Variants in ABCC4 observed in about 807,000 individuals in gnomAD.
The protein encoded by ABCC4 is ATP-binding cassette sub-family C member 4.
Under a neutral mutation model 168.5 loss-of-function variants are expected in ABCC4, and 102 were observed. That is an observed-to-expected ratio of 0.61 (90% CI 0.52 to 0.71). The LOEUF is 0.71. ABCC4 is among the 30% of genes least tolerant of loss of function. The probability of loss-of-function intolerance (pLI) is 0.00; values close to 1 mark genes in which losing one functional copy is unlikely to be tolerated. For missense variants in ABCC4, 1,402 were observed against 1,605.8 expected, an observed-to-expected ratio of 0.87 and a Z score of 2.17; for synonymous variants, 617 against 590.7, an observed-to-expected ratio of 1.04 and a Z score of -0.65.
chr13:95,121,433 T>G (rs931279476), intron 19 of ABCC4, among the ~76,000 whole-genome samples: 3 of 148,834 alleles, frequency 2.0e-5, no homozygotes, highest in Non-Finnish European at 4.5e-5. Context: ...TTTTTTTTGT[T>G]TTTTTTTTTT....
intron 20 of ABCC4, among the ~76,000 whole-genome samples, chr13:95,106,429 T>G (rs1287561171): frequency 4.0e-5 from 6 of 151,256 alleles, no homozygotes; most frequent in Non-Finnish European, 8.8e-5. Context: ...TCTCAATCGA[T>G]TAGAGGTTTA....
chr13:95,187,018 G>A lies in ABCC4; in HGVS notation c.1354-126C>T, dbSNP rs58854964. The A allele has an allele frequency of 5.2e-5, 39 of 755,330 alleles. No homozygotes were observed. In the East Asian group the frequency reaches 6.2e-4, roughly 12 times the overall value. The allele number at this position is 755,330 out of a possible 1,614,324, so 46.8% of individuals were successfully genotyped here. ...CATTCATTCATTTAAAAGAGCACAGGAAGTTGTGATTAAAAATTGGAAATA... is the reference window on the plus strand; with the variant it reads ...CATTCATTCATTTAAAAGAGCACAGAAAGTTGTGATTAAAAATTGGAAATA... On this transcript the variant is annotated intron_variant, in intron 10 of 30. Coordinates refer to ENST00000645237, the MANE Select transcript of ABCC4 (RefSeq NM_005845.5).
intron 19 of ABCC4, among the ~76,000 whole-genome samples, chr13:95,157,639 A>G (rs936584149): frequency 1.3e-5 from 2 of 152,238 alleles, no homozygotes; most frequent in African/African-American, 4.8e-5. Flanking sequence ...CTTAAGATTT[A>G]TCAGGTTAAC....
chr13:95,235,545 G>A (rs911576578), intron 3 of ABCC4, among the ~76,000 whole-genome samples: 3 of 152,172 alleles, frequency 2.0e-5, no homozygotes, highest in Admixed American at 1.3e-4. Context: ...CCACAGGCTC[G>A]TCTATGGGAG....
chr13:95,067,405 G>A (rs538523749), intron 25 of ABCC4, among the ~76,000 whole-genome samples: 5 of 152,192 alleles, frequency 3.3e-5, no homozygotes, highest in African/African-American at 9.6e-5. Context: ...AGAGGGGCTG[G>A]GGCAATCCAC....
intron 15 of ABCC4, among the ~76,000 whole-genome samples, 154 bp from the exon 16 acceptor site, chr13:95,164,672 C>A (rs557386998): frequency 2.6e-5 from 4 of 152,090 alleles, no homozygotes; most frequent in Non-Finnish European, 5.9e-5. Context: ...GCTAGCCAAA[C>A]TATACATCCA....
chr13:95,218,910 AGAGAG>A (rs2039205038), intron 4 of ABCC4, among the ~76,000 whole-genome samples: 2 of 33,868 alleles, frequency 5.9e-5, no homozygotes, highest in Non-Finnish European at 1.4e-4. Flanking sequence ...AGAGAAAGAG[AGAGAG>A]AGAGAAAGAA....
chr13:95,287,648 G>A (rs142444316), intron 1 of ABCC4, among the ~76,000 whole-genome samples: 2 of 152,152 alleles, frequency 1.3e-5, no homozygotes, highest in African/African-American at 2.4e-5. Context: ...ATACTTGGGA[G>A]GATCAGGAAG....
intron 1 of ABCC4, among the ~76,000 whole-genome samples, chr13:95,288,149 A>G (rs1013022354): frequency 6.6e-6 from 1 of 152,176 alleles, no homozygotes; most frequent in Admixed American, 6.6e-5. Flanking sequence ...AGAATAGGAT[A>G]CTGAAGCCCA....
chr13:95,100,144 CAAG>C (rs1474663578), intron 20 of ABCC4, among the ~76,000 whole-genome samples: 1 of 152,116 alleles, frequency 6.6e-6, no homozygotes, highest in African/African-American at 2.4e-5. Context: ...TGCAAAATGA[CAAG>C]AAGAGAAAGC....
At chr13:95,196,591 A>C (rs930424832) in intron 8 of ABCC4, among the ~76,000 whole-genome samples, 86 of 2,062 alleles carry the variant, frequency 0.042, no homozygotes, top group African/African-American at 0.09. Context: ...GGAGGAAGGA[A>C]GGAAGGAAGG....
intron 30 of ABCC4, among the ~76,000 whole-genome samples, chr13:95,025,259 A>C (rs1488562254): frequency 6.6e-4 from 15 of 22,864 alleles, no homozygotes; most frequent in African/African-American, 3.8e-3. Context: ...ACACACACAC[A>C]CACCCCCACA....
At chr13:95,148,745 GAGAAA>G (rs2036579531) in intron 19 of ABCC4, among the ~76,000 whole-genome samples, 1 of 151,956 alleles carries the variant, frequency 6.6e-6, no homozygotes, top group African/African-American at 2.4e-5. Flanking sequence ...ATTAAAGGGA[GAGAAA>G]AGATGAGCTG....
intron 3 of ABCC4, among the ~76,000 whole-genome samples, chr13:95,244,648 A>G (rs866905073): frequency 0.015 from 954 of 61,816 alleles, 313 homozygotes; most frequent in Non-Finnish European, 0.026. Flanking sequence ...AAAGAAAGAA[A>G]GAAAGAAAGA....
chr13:95,259,692 A>G (rs1400537542), intron 1 of ABCC4, among the ~76,000 whole-genome samples: 1 of 152,246 alleles, frequency 6.6e-6, no homozygotes, highest in Non-Finnish European at 1.5e-5. Context: ...TGTTGACCTC[A>G]GACAGAAGTT....
intron 19 of ABCC4, among the ~76,000 whole-genome samples, chr13:95,131,521 C>T (rs572815686): frequency 1.2e-4 from 18 of 152,118 alleles, no homozygotes; most frequent in East Asian, 1.9e-4. Flanking sequence ...CCCAGCTATT[C>T]GGGAGGCTGA....
intron 14 of ABCC4, among the ~76,000 whole-genome samples, chr13:95,168,584 T>C (rs1020340114): frequency 1.3e-5 from 2 of 152,200 alleles, no homozygotes; most frequent in South Asian, 4.1e-4. Flanking sequence ...TTAACACTCG[T>C]TTTTGTTATT....
intron 1 of ABCC4, among the ~76,000 whole-genome samples, chr13:95,268,284 A>G (rs1018508521): frequency 7.9e-5 from 12 of 152,130 alleles, no homozygotes; most frequent in African/African-American, 2.9e-4. Context: ...ACCACTCCCT[A>G]ATCTCAAGTA....
chr13:95,221,251 C>T (rs535252248), intron 4 of ABCC4, among the ~76,000 whole-genome samples: 2 of 152,060 alleles, frequency 1.3e-5, no homozygotes, highest in East Asian at 3.9e-4. Flanking sequence ...TTTTTTGAGA[C>T]AGGGTCTCAC....
Sources: allele counts gnomAD v4.1 joint callset (sites outside exome capture counted in the v4.1 genomes callset), GRCh38; gene constraint gnomAD v4.1.1; transcripts MANE v1.5; gene names NCBI Gene and HGNC (gene_info 2026-07-23, HGNC 2026-07-21).